PDE4D: variants seen among roughly 807,000 people sequenced by gnomAD.
PDE4D encodes 3',5'-cyclic-AMP phosphodiesterase 4D.
PDE4D carries 24 observed loss-of-function variants against 87.4 expected under a neutral mutation model. The ratio of observed to expected loss-of-function variants is 0.27; its 90% CI spans 0.20 to 0.39. The LOEUF (loss-of-function observed/expected upper bound fraction) is 0.39. Among genes scored for constraint, PDE4D ranks in the 10% least tolerant of loss-of-function variants. The pLI is 1.00. For missense variants in PDE4D, 714 were observed against 1,041.0 expected, an observed-to-expected ratio of 0.69 and a Z score of 4.32; for synonymous variants, 384 against 383.2, an observed-to-expected ratio of 1.00 and a Z score of -0.02.
At chr5:60,262,688 C>T (rs1212818038) in intron 1 of PDE4D, 1 of 152,156 alleles carries the variant, frequency 6.6e-6, no homozygotes, top group East Asian at 1.9e-4. Context: ...AGTCACATTA[C>T]AGAAACTAGA....
intron 1 of PDE4D, among the ~76,000 whole-genome samples, chr5:60,246,280 A>G (rs1419378749): frequency 6.6e-6 from 1 of 151,596 alleles, no homozygotes; most frequent in Non-Finnish European, 1.5e-5. Context: ...TGAGTTGTTT[A>G]GACGTGTGTT....
At chr5:59,573,898 T>A (rs1409517231) in intron 1 of PDE4D, among the ~76,000 whole-genome samples, 2 of 148,640 alleles carry the variant, frequency 1.3e-5, no homozygotes, top group Non-Finnish European at 3.0e-5. Context: ...CTCGGGAGGC[T>A]GAGCTAGGAG....
At chr5:59,521,929 G>A (rs754524730) in intron 1 of PDE4D, among the ~76,000 whole-genome samples, 1 of 152,114 alleles carries the variant, frequency 6.6e-6, no homozygotes, top group Non-Finnish European at 1.5e-5. Flanking sequence ...TGAACATGAA[G>A]ATAAAAAGAT....
chr5:60,499,875 C>G (rs1461323647), intron 1 of PDE4D, among the ~76,000 whole-genome samples: 2 of 152,110 alleles, frequency 1.3e-5, no homozygotes, highest in Non-Finnish European at 2.9e-5. Flanking sequence ...TCCTGTTAGC[C>G]CTCTTGGCTT....
chr5:59,295,816 G>A (rs921279285), intron 1 of PDE4D, among the ~76,000 whole-genome samples: 1 of 150,590 alleles, frequency 6.6e-6, no homozygotes, highest in African/African-American at 2.5e-5. Flanking sequence ...TGGTGTTAGG[G>A]AGTGAAGTAG....
At chr5:59,275,406 GA>G in intron 1 of PDE4D, 4 of 1,593,486 alleles carry the variant, frequency 2.5e-6, no homozygotes, top group South Asian at 1.1e-5. Flanking sequence ...TGCTCATTTT[GA>G]AAAAAAATAA....
rs143892818 is a variant in PDE4D, at chr5:59,943,048, A to G, written c.272+45440T>C. ...CGTCAAGAGAAACCCTAACATAGGG[A>G]AATAAGTGGTTGAAGGTGAGGTTTT... is the stretch of plus-strand genomic sequence containing the variant. On this transcript the variant is annotated intron_variant, in intron 3 of 16. Transcript: ENST00000502484. Among the ~76,000 whole-genome samples, 157 of 152,278 alleles carry G rather than the reference A, an allele frequency of 1.0e-3. 3 individuals carry two copies. The East Asian group carries it at 0.026, about 25-fold the overall frequency.
chr5:59,870,519 G>C (rs986189666), intron 1 of PDE4D, among the ~76,000 whole-genome samples: 11 of 152,184 alleles, frequency 7.2e-5, no homozygotes, highest in African/African-American at 2.4e-4. Flanking sequence ...TAAAAGACAT[G>C]AAAGCATAAA....
chr5:59,225,953 T>C (rs1753687649), intron 1 of PDE4D, among the ~76,000 whole-genome samples: 1 of 151,138 alleles, frequency 6.6e-6, no homozygotes, highest in Non-Finnish European at 1.5e-5. Flanking sequence ...AAAACCACAA[T>C]GAGATATTGC....
chr5:59,443,191 G>T (rs139756213), intron 1 of PDE4D, among the ~76,000 whole-genome samples: 1 of 152,012 alleles, frequency 6.6e-6, no homozygotes, highest in Non-Finnish European at 1.5e-5. Flanking sequence ...ATCAATGCTC[G>T]CATGAAGTAA....
intron 5 of PDE4D, among the ~76,000 whole-genome samples, chr5:59,102,014 G>T (rs890191334): frequency 1.5e-4 from 22 of 150,900 alleles, no homozygotes; most frequent in African/African-American, 5.4e-4. Context: ...ATCCAGGGGA[G>T]ACTGCCCCAA....
At position 60,483,791 on chromosome 5, in the gene PDE4D, T is replaced by C. The variant is rs374674185; in HGVS notation, c.-90+4151A>G. Among the ~76,000 whole-genome samples the C allele has an allele frequency of 3.8e-4, 58 of 152,318 alleles. No individual in the cohort carries two copies. The East Asian group carries it at 7.7e-3, about 20-fold the overall frequency. On this transcript the variant is annotated intron_variant, in intron 1 of 16. Coordinates refer to the PDE4D transcript ENST00000502484. ...GAGCTGTGTGAGATAAAAGTGGAGA[T>C]AATCCACTCCATTTTAATACGTTTT...
chr5:59,596,567 A>C (rs931223530), intron 1 of PDE4D, among the ~76,000 whole-genome samples: 1 of 151,932 alleles, frequency 6.6e-6, no homozygotes. Context: ...TCTGGTGCAT[A>C]ATAAGGACTC....
At position 60,173,931 on chromosome 5, in the gene PDE4D, T is replaced by C. The variant is rs113279222; in HGVS notation, c.42+11626A>G. 3.6e-3 allele frequency among the ~76,000 whole-genome samples: 542 copies of C among 152,156 alleles called. 6 individuals carry two copies. Among genetic ancestry groups the C allele is most frequent in the African/African-American group, 0.012 (517 of 41,516 alleles). On this transcript the variant is annotated intron_variant, in intron 2 of 16. Coordinates refer to the PDE4D transcript ENST00000502484. ...TTTAGATGTTGGGAGGGATGATGAGTCTGGAGCTGAGGAAGGTTCCCAGGG... is the reference window on the plus strand; with the variant it reads ...TTTAGATGTTGGGAGGGATGATGAGCCTGGAGCTGAGGAAGGTTCCCAGGG...
chr5:59,089,221 T>C (rs1768256997), intron 5 of PDE4D, among the ~76,000 whole-genome samples: 1 of 152,150 alleles, frequency 6.6e-6, no homozygotes, highest in Non-Finnish European at 1.5e-5. Flanking sequence ...CTAAGTGAGC[T>C]GGAGTTTCAG....
chr5:60,472,695 T>C (rs1217051642), intron 1 of PDE4D, among the ~76,000 whole-genome samples: 6 of 152,224 alleles, frequency 3.9e-5, no homozygotes. Context: ...AGGCTACAAA[T>C]GGTCTCTGAC....
chr5:59,378,225 A>G (rs1785064355), intron 1 of PDE4D, among the ~76,000 whole-genome samples: 1 of 152,218 alleles, frequency 6.6e-6, no homozygotes, highest in Non-Finnish European at 1.5e-5. Context: ...GTGGGAGCTA[A>G]TTGATGTGAA....
chr5:59,073,459 T>G (rs1294893847), intron 5 of PDE4D, among the ~76,000 whole-genome samples: 3 of 124,280 alleles, frequency 2.4e-5, no homozygotes, highest in Non-Finnish European at 4.7e-5. Context: ...TAAGGAAGAA[T>G]GAGAAGTTTC....
At chr5:60,254,501 A>G (rs1280680650) in intron 1 of PDE4D, among the ~76,000 whole-genome samples, 2 of 151,904 alleles carry the variant, frequency 1.3e-5, no homozygotes, top group Non-Finnish European at 2.9e-5. Context: ...CTGATGCCCA[A>G]TCCAATGTGT....
Sources: allele counts gnomAD v4.1 joint callset (sites outside exome capture counted in the v4.1 genomes callset), GRCh38; gene constraint gnomAD v4.1.1; transcripts MANE v1.5; gene names NCBI Gene and HGNC (gene_info 2026-07-23, HGNC 2026-07-21).